Variants in COL25A1 observed in about 807,000 individuals in gnomAD.
COL25A1 encodes collagen type XXV alpha 1 chain, also known as collagen alpha-1(XXV) chain.
A neutral mutation model predicts 128.4 loss-of-function variants in COL25A1; 103 were observed. That is an observed-to-expected ratio of 0.80 (90% CI 0.68 to 0.94). COL25A1 has a LOEUF of 0.94. Among genes scored for constraint, COL25A1 ranks in the 40% least tolerant of loss-of-function variants. The pLI is 0.00. For synonymous variants in COL25A1, 279 were observed against 277.2 expected (o/e 1.01, Z -0.06); for missense variants, 745 against 840.0 (o/e 0.89, Z 1.40).
intron 29 of COL25A1, 44 bp downstream of exon 29, chr4:108,845,145 G>C (rs1443831879): frequency 2.7e-6 from 4 of 1,507,302 alleles, no homozygotes; most frequent in Non-Finnish European, 3.7e-6. Flanking sequence ...GTCAGTGTGT[G>C]AGGAGGTTCA....
intron 3 of COL25A1, among the ~76,000 whole-genome samples, chr4:109,263,488 A>T (rs1255388087): frequency 6.6e-6 from 1 of 152,040 alleles, no homozygotes; most frequent in Non-Finnish European, 1.5e-5. Flanking sequence ...TCTTGATTTC[A>T]CCAAGGAAAA....
intron 3 of COL25A1, among the ~76,000 whole-genome samples, chr4:109,115,606 T>C (rs988503157): frequency 6.6e-6 from 1 of 152,054 alleles, no homozygotes; most frequent in Admixed American, 6.6e-5. Flanking sequence ...GCAAAGATGA[T>C]TAAAACCACA....
intron 6 of COL25A1, among the ~76,000 whole-genome samples, chr4:108,990,497 C>T (rs114036587): frequency 0.011 from 1,671 of 151,656 alleles, 36 homozygotes; most frequent in African/African-American, 0.038. Flanking sequence ...ATGCTATAAC[C>T]ATATCTAACA....
At chr4:108,920,423 T>C (rs1029453820) in intron 12 of COL25A1, among the ~76,000 whole-genome samples, 155 bp downstream of exon 12, 1 of 152,180 alleles carries the variant, frequency 6.6e-6, no homozygotes, top group Non-Finnish European at 1.5e-5. Flanking sequence ...AATCTAATGC[T>C]CACATTATGT....
intron 3 of COL25A1, among the ~76,000 whole-genome samples, chr4:109,111,103 T>A (rs1275354679): frequency 1.3e-5 from 2 of 152,196 alleles, no homozygotes; most frequent in Admixed American, 6.6e-5. Flanking sequence ...TTTCTCTACC[T>A]CCTCCCTGCA....
intron 35 of COL25A1, among the ~76,000 whole-genome samples, chr4:108,823,148 G>A (rs951483948): frequency 6.6e-6 from 1 of 152,200 alleles, no homozygotes; most frequent in Admixed American, 6.6e-5. Context: ...CACTGTTCAA[G>A]AGAATTCATA....
chr4:109,062,538 A>G (rs1762071388), intron 3 of COL25A1, among the ~76,000 whole-genome samples: 1 of 152,210 alleles, frequency 6.6e-6, no homozygotes, highest in African/African-American at 2.4e-5. Context: ...GATGTATTGA[A>G]TAAGACAGTT....
intron 6 of COL25A1, among the ~76,000 whole-genome samples, chr4:109,000,479 C>A (rs1401725798): frequency 6.6e-6 from 1 of 152,146 alleles, no homozygotes; most frequent in Non-Finnish European, 1.5e-5. Context: ...GACTTGGTGG[C>A]TCATGCCTGT....
chr4:109,280,835 T>C (rs1332472214), intron 3 of COL25A1, among the ~76,000 whole-genome samples: 1 of 152,012 alleles, frequency 6.6e-6, no homozygotes, highest in South Asian at 2.1e-4. Context: ...TTAGTAAAGA[T>C]GTAGTTTCAC....
intron 3 of COL25A1, among the ~76,000 whole-genome samples, chr4:109,117,015 G>A (rs996609473): frequency 1.6e-4 from 25 of 151,670 alleles, no homozygotes; most frequent in African/African-American, 5.1e-4. Context: ...TAAGAACTGC[G>A]AGACAACTAC....
chr4:108,964,824 C>A (rs1751113424), intron 8 of COL25A1, among the ~76,000 whole-genome samples: 1 of 152,146 alleles, frequency 6.6e-6, no homozygotes, highest in Admixed American at 6.6e-5. Context: ...ATGATAAGAA[C>A]ATGTGCAAAT....
chr4:108,870,510 T>G (rs906365990), intron 19 of COL25A1, among the ~76,000 whole-genome samples: 3 of 151,552 alleles, frequency 2.0e-5, no homozygotes, highest in African/African-American at 7.3e-5. Context: ...GCACATTTTC[T>G]GTAACTCCCT....
chr4:109,089,272 A>G (rs1764695988), intron 3 of COL25A1, among the ~76,000 whole-genome samples: 1 of 152,222 alleles, frequency 6.6e-6, no homozygotes. Flanking sequence ...GTTATTTCCA[A>G]TGAAATTACA....
In COL25A1 at chr4:109,050,227, T is replaced by G. The variant is rs777375700; in HGVS notation, c.368-48A>C. ...TTTAGTGTAGTTTAATTCTTTTTCC[T>G]GGTTCCAAAATAGCTAGTAAATAAT... On this transcript the variant is annotated intron_variant, in intron 3 of 37. Coordinates refer to ENST00000399132, the MANE Select transcript of COL25A1 (RefSeq NM_198721.4). 31 of 1,462,348 alleles carry G rather than the reference T, an allele frequency of 2.1e-5. No homozygotes were observed. The Middle Eastern group carries it at 7.1e-4, about 34-fold the overall frequency. The allele number at this position is 1,462,348 out of a possible 1,614,324, so 90.6% of individuals were successfully genotyped here.
chr4:109,022,821 C>T (rs76215588), intron 5 of COL25A1, among the ~76,000 whole-genome samples: 51 of 152,242 alleles, frequency 3.3e-4, no homozygotes, highest in African/African-American at 1.1e-3. Context: ...CCAGGGTCTA[C>T]GGCATTCAAA....
At chr4:108,837,977 A>G (rs1734002281) in intron 31 of COL25A1, 4 of 748,270 alleles carry the variant, frequency 5.3e-6, no homozygotes, top group Non-Finnish European at 9.4e-6. Flanking sequence ...GCTCTAATAT[A>G]ATATGTTTTC....
intron 3 of COL25A1, among the ~76,000 whole-genome samples, chr4:109,238,626 GT>G (rs1174532010): frequency 6.6e-6 from 1 of 151,964 alleles, no homozygotes; most frequent in African/African-American, 2.4e-5. Flanking sequence ...GTGCTTGTTC[GT>G]TTACAAACAG....
intron 3 of COL25A1, among the ~76,000 whole-genome samples, chr4:109,121,345 A>C (rs1768087639): frequency 6.6e-6 from 1 of 152,124 alleles, no homozygotes; most frequent in Non-Finnish European, 1.5e-5. Flanking sequence ...GAATGAGAAG[A>C]CAGACTGGGA....
chr4:109,286,065 T>G (rs916476982), intron 3 of COL25A1, among the ~76,000 whole-genome samples: 5 of 152,150 alleles, frequency 3.3e-5, no homozygotes, highest in Non-Finnish European at 7.4e-5. Flanking sequence ...TATCTGCACT[T>G]TCAAAAGTTG....
Sources: gnomAD v4.1 joint callset for allele counts (sites outside exome capture counted in the v4.1 genomes callset) on GRCh38, gnomAD v4.1.1 for gene constraint, MANE v1.5 for transcripts, NCBI Gene and HGNC (gene_info 2026-07-23, HGNC 2026-07-21) for gene names.